The following GPHN variants were observed in gnomAD, a reference collection of about 807,000 sequenced individuals.
GPHN encodes gephyrin.
Under a neutral mutation model 95.5 loss-of-function variants are expected in GPHN, and 17 were observed. The observed-to-expected ratio is 0.18, with a 90% CI of 0.12 to 0.27. GPHN has a LOEUF of 0.27. GPHN is among the 10% of genes least tolerant of loss of function. The probability of loss-of-function intolerance (pLI) is 1.00; values close to 1 mark genes in which losing one functional copy is unlikely to be tolerated. For synonymous variants in GPHN, 320 were observed against 322.5 expected (o/e 0.99, Z 0.08); for missense variants, 660 against 978.1 (o/e 0.67, Z 4.34).
chr14:67,034,158 A>G (rs1350235930), intron 10 of GPHN, among the ~76,000 whole-genome samples: 3 of 152,312 alleles, frequency 2.0e-5, no homozygotes, highest in East Asian at 1.9e-4. Flanking sequence ...AGGAAAATAT[A>G]TATATATACA....
chr14:67,559,360 T>C, the GPHN span, among the ~76,000 whole-genome samples: 1 of 152,238 alleles, frequency 6.6e-6, no homozygotes, highest in Admixed American at 6.5e-5. Context: ...AGCGTTCTCC[T>C]TCCATGTCAG....
the GPHN span, chr14:67,388,121 C>T: frequency 5.5e-6 from 4 of 724,992 alleles, no homozygotes; most frequent in African/African-American, 7.0e-5. Flanking sequence ...ATGGAGAAAG[C>T]CCTGCTCGGC....
intron 2 of GPHN, among the ~76,000 whole-genome samples, chr14:66,749,310 A>C (rs1310243638): frequency 1.3e-5 from 2 of 151,996 alleles, no homozygotes; most frequent in African/African-American, 4.8e-5. Context: ...AAATATCCAC[A>C]TACAGGCTTT....
At chr14:67,374,423 G>C in the GPHN span, 5 of 1,257,014 alleles carry the variant, frequency 4.0e-6, no homozygotes, top group Non-Finnish European at 5.6e-6. Flanking sequence ...CAATAGTACA[G>C]TGGCATCTGG....
rs139426387 is a variant in GPHN, at chr14:66,802,516, C to G, written c.202-21958C>G. 1.2e-3 allele frequency among the ~76,000 whole-genome samples: 182 copies of G among 152,244 alleles called. 1 individual carries two copies. Among genetic ancestry groups the G allele is most frequent in the African/African-American group, 4.3e-3 (180 of 41,540 alleles). ...CCCTTTCACTTTTCCTTCTGCTTTT[C>G]TCAAGCAGAAGGAGTTTTGCCCCAT... On this transcript the variant is annotated intron_variant, in intron 3 of 22. Transcript: ENST00000478722.
At chr14:66,885,833 C>G (rs981911872) in intron 5 of GPHN, among the ~76,000 whole-genome samples, 8 of 117,646 alleles carry the variant, frequency 6.8e-5, no homozygotes, top group Non-Finnish European at 1.3e-4. Flanking sequence ...CACTTTATAA[C>G]AATTTAAAAA....
the GPHN span, among the ~76,000 whole-genome samples, chr14:67,346,430 GCCTC>G: frequency 6.6e-6 from 1 of 152,112 alleles, no homozygotes; most frequent in Non-Finnish European, 1.5e-5. Flanking sequence ...TCCCACCTCG[GCCTC>G]CCGAGTAGCT....
chr14:67,156,142 G>T (rs1023232623), intron 18 of GPHN, among the ~76,000 whole-genome samples: 2 of 151,904 alleles, frequency 1.3e-5, no homozygotes, highest in South Asian at 4.2e-4. Context: ...GACTAAAGAG[G>T]GTTAACATGT....
chr14:67,568,463 G>A, the GPHN span, among the ~76,000 whole-genome samples: 112 of 152,052 alleles, frequency 7.4e-4, no homozygotes, highest in Non-Finnish European at 1.0e-4. Context: ...GGCGGTGGGG[G>A]AGTATTAGGG....
At position 66,532,935 on chromosome 14, in the gene GPHN, T is replaced by C. The variant is rs184076883; in HGVS notation, c.64+24344T>C. Among the ~76,000 whole-genome samples, 23 of 152,308 alleles carry C rather than the reference T, an allele frequency of 1.5e-4. 1 individual carries two copies. Among genetic ancestry groups the C allele is most frequent in the Admixed American group, 1.4e-3 (22 of 15,290 alleles). ...TAAAATGTTTGAGGAAGAATGCTGATTGTCCTAGATCAGTCATCTGTGATC... is the reference window on the plus strand; with the variant it reads ...TAAAATGTTTGAGGAAGAATGCTGACTGTCCTAGATCAGTCATCTGTGATC... On this transcript the variant is annotated intron_variant, in intron 1 of 22. Transcript: ENST00000478722.
the GPHN span, chr14:67,674,696 C>T: frequency 2.2e-6 from 1 of 456,746 alleles, no homozygotes; most frequent in Non-Finnish European, 3.8e-6. Context: ...AGCGCCGGCG[C>T]GAAAGCCTGA....
chr14:66,727,032 A>G (rs910364877), intron 2 of GPHN, among the ~76,000 whole-genome samples: 1 of 152,198 alleles, frequency 6.6e-6, no homozygotes, highest in Admixed American at 6.5e-5. Flanking sequence ...ATGTCATAGG[A>G]GGAACCTGGT....
intron 1 of GPHN, among the ~76,000 whole-genome samples, chr14:66,671,877 T>C (rs2066322897): frequency 6.6e-6 from 1 of 152,144 alleles, no homozygotes; most frequent in Non-Finnish European, 1.5e-5. Flanking sequence ...TGTATTGATT[T>C]TATCAAAGAA....
At chr14:67,011,943 C>A (rs981898103) in intron 9 of GPHN, among the ~76,000 whole-genome samples, 6 of 151,502 alleles carry the variant, frequency 4.0e-5, no homozygotes, top group African/African-American at 1.4e-4. Flanking sequence ...CCTAACCAAA[C>A]CACTGTGTCA....
the GPHN span, among the ~76,000 whole-genome samples, chr14:67,514,766 A>C: frequency 6.6e-6 from 1 of 150,962 alleles, no homozygotes; most frequent in African/African-American, 2.4e-5. Context: ...TCCCCCTGAC[A>C]CCCCTTTGTT....
intron 1 of GPHN, among the ~76,000 whole-genome samples, chr14:66,623,504 GT>G (rs1399226412): frequency 6.6e-6 from 1 of 151,510 alleles, no homozygotes; most frequent in Non-Finnish European, 1.5e-5. Context: ...TGTAGTCCCA[GT>G]TACTTGGGAT....
the GPHN span, among the ~76,000 whole-genome samples, chr14:67,288,538 A>G: frequency 6.6e-6 from 1 of 152,308 alleles, no homozygotes; most frequent in South Asian, 2.1e-4. Flanking sequence ...CAGTAATTTA[A>G]TTGTCTACTC....
chr14:67,058,920 T>G (rs2075713372), intron 11 of GPHN, 134 bp downstream of exon 11: 1 of 847,564 alleles, frequency 1.2e-6, no homozygotes, highest in South Asian at 1.5e-5. Flanking sequence ...ATTCTTTTTT[T>G]TTCTTATTTC....
the GPHN span, among the ~76,000 whole-genome samples, chr14:67,657,646 TCA>T: frequency 6.6e-6 from 1 of 150,426 alleles, no homozygotes; most frequent in African/African-American, 2.4e-5. Context: ...GGGACCCAGC[TCA>T]CAGAGGCCTA....
Sources: allele counts gnomAD v4.1 joint callset (sites outside exome capture counted in the v4.1 genomes callset), GRCh38; gene constraint gnomAD v4.1.1; transcripts MANE v1.5; gene names NCBI Gene and HGNC (gene_info 2026-07-23, HGNC 2026-07-21).